Variants in PLCB4 observed in about 807,000 individuals in gnomAD.
PLCB4 encodes 1-phosphatidylinositol 4,5-bisphosphate phosphodiesterase beta-4.
A neutral mutation model predicts 178.8 loss-of-function variants in PLCB4; 77 were observed. The observed-to-expected ratio is 0.43, with a 90% CI of 0.36 to 0.52. The LOEUF is 0.52. Among genes scored for constraint, PLCB4 ranks in the 20% least tolerant of loss-of-function variants. The pLI is 0.00. For missense variants in PLCB4, 1,024 were observed against 1,453.4 expected (o/e 0.70, Z 4.80); for synonymous variants, 496 against 490.8 (o/e 1.01, Z -0.14).
intron 21 of PLCB4, among the ~76,000 whole-genome samples, chr20:9,407,394 G>T (rs1204695003): frequency 2.1e-4 from 32 of 149,198 alleles, no homozygotes; most frequent in African/African-American, 7.2e-4. Flanking sequence ...TTTTGAGATG[G>T]AGTCTTGCTC....
At chr20:9,429,857 C>T (rs1568815730) in intron 28 of PLCB4, among the ~76,000 whole-genome samples, 2 of 152,176 alleles carry the variant, frequency 1.3e-5, no homozygotes, top group Non-Finnish European at 2.9e-5. Context: ...TTTGTCAGAA[C>T]TGTCCCAGGT....
intron 2 of PLCB4, among the ~76,000 whole-genome samples, chr20:9,216,920 T>C (rs2093739682): frequency 6.6e-6 from 1 of 152,046 alleles, no homozygotes; most frequent in African/African-American, 2.4e-5. Context: ...AGAATCAACA[T>C]AAACAACTTA....
chr20:9,228,770 G>A (rs2093897466), intron 3 of PLCB4, among the ~76,000 whole-genome samples: 1 of 152,188 alleles, frequency 6.6e-6, no homozygotes, highest in South Asian at 2.1e-4. Context: ...TCTTGGATTA[G>A]ACAAACTAAA....
chr20:9,147,115 G>A (rs922164833), intron 2 of PLCB4, among the ~76,000 whole-genome samples: 1 of 152,132 alleles, frequency 6.6e-6, no homozygotes, highest in African/African-American at 2.4e-5. Flanking sequence ...CCCAGAATTG[G>A]GGTCTAAGGC....
intron 3 of PLCB4, among the ~76,000 whole-genome samples, chr20:9,264,006 G>A (rs551599524): frequency 2.0e-5 from 3 of 152,140 alleles, no homozygotes; most frequent in African/African-American, 2.4e-5. Flanking sequence ...GTTTTTTAAC[G>A]TCTTTAAAAA....
intron 3 of PLCB4, among the ~76,000 whole-genome samples, chr20:9,244,117 G>A (rs2094098538): frequency 1.3e-5 from 2 of 152,074 alleles, no homozygotes; most frequent in Admixed American, 6.6e-5. Context: ...TTGAGGTGTT[G>A]GTTAAGCTTA....
rs1009472325 is a variant in PLCB4, at chr20:9,190,713, A to C, written c.-78-26677A>C. Among the ~76,000 whole-genome samples, 160 of 152,182 alleles carry C rather than the reference A, an allele frequency of 1.1e-3. 2 individuals carry two copies. Among genetic ancestry groups the C allele is most frequent in the Non-Finnish European group, 1.6e-4 (11 of 68,026 alleles). On this transcript the variant is annotated intron_variant, in intron 2 of 39. Transcript: ENST00000378473. ...GGGCCTGGGCAGGGAGGATGCAGGC[A>C]AGGAGCAGGTTCCTGGGGACATTGA...
chr20:9,271,712 C>G (rs2094404587), intron 3 of PLCB4, among the ~76,000 whole-genome samples: 1 of 152,100 alleles, frequency 6.6e-6, no homozygotes. Context: ...ATTAGAAACA[C>G]TTAGCTTCTT....
At chr20:9,071,109 T>A (rs1367264202) in intron 1 of PLCB4, among the ~76,000 whole-genome samples, 1 of 152,164 alleles carries the variant, frequency 6.6e-6, no homozygotes, top group Non-Finnish European at 1.5e-5. Context: ...CCTTATGAGA[T>A]AAAGAAATAT....
Position 9,388,905 on chromosome 20 carries a change from A to G in PLCB4, c.1159-974A>G, listed in dbSNP as rs535368415. On this transcript the variant is annotated intron_variant, in intron 15 of 39. Coordinates refer to ENST00000378473, the MANE Select transcript of PLCB4 (RefSeq NM_001377142.1). The stretch of plus-strand genomic sequence containing the variant: ...GAATAACTAAATGACTACCTCAGCC[A>G]CAAGGAATGCCTCAATAAAATATTT... Among the ~76,000 whole-genome samples the G allele has an allele frequency of 1.5e-4, 23 of 152,326 alleles. No homozygotes were observed. In the East Asian group the frequency reaches 4.2e-3, roughly 28 times the overall value.
chr20:9,396,318 A>G (rs2038583387), intron 19 of PLCB4, among the ~76,000 whole-genome samples: 1 of 152,234 alleles, frequency 6.6e-6, no homozygotes, highest in Non-Finnish European at 1.5e-5. Flanking sequence ...AGAGACCCTC[A>G]GGCAAATGAT....
chr20:9,310,830 G>A (rs139237793), intron 4 of PLCB4, among the ~76,000 whole-genome samples: 73 of 152,288 alleles, frequency 4.8e-4, no homozygotes, highest in African/African-American at 1.6e-3. Flanking sequence ...AAGTGCAAAT[G>A]CATTTAAAGT....
At chr20:9,394,079 G>C (rs1454458440) in intron 18 of PLCB4, among the ~76,000 whole-genome samples, 1 of 152,136 alleles carries the variant, frequency 6.6e-6, no homozygotes, top group Non-Finnish European at 1.5e-5. Context: ...ACATATGAGT[G>C]TGTGACTGTG....
At chr20:9,241,181 G>C (rs567753082) in intron 3 of PLCB4, among the ~76,000 whole-genome samples, 1 of 152,080 alleles carries the variant, frequency 6.6e-6, no homozygotes, top group East Asian at 1.9e-4. Context: ...TTGAATGAAG[G>C]CTTCTCTGAT....
intron 4 of PLCB4, among the ~76,000 whole-genome samples, chr20:9,330,563 G>A (rs2031493344): frequency 6.6e-6 from 1 of 152,310 alleles, no homozygotes; most frequent in African/African-American, 2.4e-5. Context: ...TTTCAGGTTT[G>A]TTACTATTTG....
At chr20:9,476,514 T>G (rs2044555270) in intron 38 of PLCB4, among the ~76,000 whole-genome samples, 2 of 152,148 alleles carry the variant, frequency 1.3e-5, no homozygotes, top group African/African-American at 2.4e-5. Context: ...AGGCGTTGGT[T>G]GTTTGTTTCG....
At chr20:9,445,371 A>G (rs2122158415) in intron 32 of PLCB4, among the ~76,000 whole-genome samples, 1 of 152,282 alleles carries the variant, frequency 6.6e-6, no homozygotes, top group Non-Finnish European at 1.5e-5. Flanking sequence ...TTATTCTCTG[A>G]CCCAAGCCTC....
chr20:9,223,179 A>G (rs181018690), intron 3 of PLCB4, among the ~76,000 whole-genome samples: 3 of 152,284 alleles, frequency 2.0e-5, no homozygotes, highest in Admixed American at 1.3e-4. Context: ...AGGATTCTAG[A>G]AAAGTTTGGG....
At position 9,480,086 on chromosome 20, in the gene PLCB4, A is replaced by G. The variant is rs2044791731; in HGVS notation, c.*1077A>G. ...TCTAGTTTGAAAAAAATACATAACT[A>G]ATTTAATTTTACACAAAAATATTTA... On this transcript the variant is annotated 3_prime_UTR_variant, in exon 40 of 40. Coordinates refer to ENST00000378473, the MANE Select transcript of PLCB4 (RefSeq NM_001377142.1). The G allele has an allele frequency of 6.6e-6, 1 of 152,638 alleles. No individual in the cohort carries two copies. The highest frequency in any genetic ancestry group is 6.5e-5 in the Admixed American group (1 of 15,280). The allele number at this position is 152,638 out of a possible 1,614,324, so 9.5% of individuals were successfully genotyped here. A position where few individuals can be genotyped will look rare whatever the true frequency, so the allele number is the denominator to read the frequency against.
Sources: gnomAD v4.1 joint callset for allele counts (sites outside exome capture counted in the v4.1 genomes callset) on GRCh38, gnomAD v4.1.1 for gene constraint, MANE v1.5 for transcripts, NCBI Gene and HGNC (gene_info 2026-07-23, HGNC 2026-07-21) for gene names.